ADAMTS20: variants seen among roughly 807,000 people sequenced by gnomAD.
The protein encoded by ADAMTS20 is A disintegrin and metalloproteinase with thrombospondin motifs 20.
In ADAMTS20, 225 loss-of-function variants were observed where a neutral mutation model predicts 260.1. The observed-to-expected ratio is 0.87, with a 90% CI of 0.78 to 0.97. The LOEUF (loss-of-function observed/expected upper bound fraction) is 0.97. Ranked by LOEUF, ADAMTS20 falls within the 50% of genes least tolerant of loss-of-function variation. The pLI is 0.00. For missense variants in ADAMTS20, 2,400 were observed against 2,337.7 expected (o/e 1.03, Z -0.55); for synonymous variants, 802 against 769.5 (o/e 1.04, Z -0.70).
intron 3 of ADAMTS20, among the ~76,000 whole-genome samples, chr12:43,506,159 AAAGG>A (rs1312971225): frequency 3.0e-5 from 2 of 66,440 alleles, no homozygotes; most frequent in African/African-American, 9.4e-5. Flanking sequence ...CAACAACAAC[AAAGG>A]AAGGACATGC....
intron 11 of ADAMTS20, among the ~76,000 whole-genome samples, chr12:43,460,417 AT>A (rs1268149307): frequency 2.6e-5 from 4 of 152,110 alleles, no homozygotes; most frequent in Admixed American, 2.6e-4. Flanking sequence ...GAATGGCCAA[AT>A]TTTTTTTAAA....
At chr12:43,421,595 A>G (rs943429531) in intron 28 of ADAMTS20, among the ~76,000 whole-genome samples, 2 of 152,066 alleles carry the variant, frequency 1.3e-5, no homozygotes, top group Non-Finnish European at 2.9e-5. Context: ...AGAAAAGTAA[A>G]ACTTTTACTC....
Position 43,551,884 on chromosome 12 carries a change from T to C in ADAMTS20, c.38A>G (p.His13Arg), listed in dbSNP as rs544725924. The change falls in exon 1 of 39, where the codon CAT (histidine) becomes CGT (arginine). Residue 13 changes from histidine to arginine, a missense_variant. By Grantham distance (29) the His-to-Arg change is conservative. Coordinates refer to ENST00000389420, the MANE Select transcript of ADAMTS20 (RefSeq NM_025003.5). This position sits in a 1 kb window ranked among gnomAD's most constrained non-coding sequence, Gnocchi z 4.6. ...AGACCTGGTGATGAAGAGCGAGAGA[T>C]GGTAGAGCAGCCCAGTCAGCCACTT... ...VAKWLTGLLY[H>R]LSLFITRSWE... The C allele has an allele frequency of 3.7e-6, 6 of 1,613,660 alleles. No individual in the cohort carries two copies. The highest frequency in any genetic ancestry group is 1.1e-5 in the South Asian group (1 of 91,084).
At chr12:43,505,046 G>A (rs1344272319) in intron 3 of ADAMTS20, among the ~76,000 whole-genome samples, 1 of 152,094 alleles carries the variant, frequency 6.6e-6, no homozygotes, top group Admixed American at 6.5e-5. Context: ...ATAGACTGAT[G>A]AACTGCAATA....
At chr12:43,401,758 G>C (rs1279769540) in intron 28 of ADAMTS20, among the ~76,000 whole-genome samples, 1 of 144,256 alleles carries the variant, frequency 6.9e-6, no homozygotes, top group African/African-American at 2.6e-5. Flanking sequence ...TTTTGCTCAA[G>C]TGCTAACAAT....
rs185991044 is a variant in ADAMTS20, at chr12:43,383,447, C to T, written c.4797+111G>A. 10 of 1,047,238 alleles carry T rather than the reference C, an allele frequency of 9.5e-6. No individual in the cohort carries two copies. The Admixed American group carries it at 2.2e-4, about 23-fold the overall frequency. 64.9% of individuals were successfully genotyped at this position (1,047,238 alleles called of 1,614,324 possible). A position where few individuals can be genotyped will look rare whatever the true frequency, so the allele number is the denominator to read the frequency against. On this transcript the variant is annotated intron_variant, in intron 31 of 38. Transcript: ENST00000389420. ...TCATTCCTTAGATTGATATGCATAC[C>T]ATCATCTGCCCTCATATTCAAATTT...
intron 3 of ADAMTS20, among the ~76,000 whole-genome samples, chr12:43,524,460 A>C (rs1943113939): frequency 6.6e-6 from 1 of 152,180 alleles, no homozygotes; most frequent in Non-Finnish European, 1.5e-5. Context: ...GCTCTATAAA[A>C]CATGCAAAAG....
chr12:43,447,862 C>A (rs1443271144), intron 14 of ADAMTS20, among the ~76,000 whole-genome samples: 1 of 151,832 alleles, frequency 6.6e-6, no homozygotes, highest in Non-Finnish European at 1.5e-5. Context: ...AAACTTGAGA[C>A]CCAAATAAGG....
chr12:43,497,050 A>T lies in ADAMTS20; in HGVS notation c.868-3797T>A, dbSNP rs572402215. Among the ~76,000 whole-genome samples, 108 of 152,272 alleles carry T rather than the reference A, an allele frequency of 7.1e-4. No homozygotes were observed. In the Middle Eastern group the frequency reaches 0.01, roughly 14 times the overall value. ...AAAAGCCTTGTAATATTTTCAATAT[A>T]TTACCTTAATCACTACATTTTAGAG... On this transcript the variant is annotated intron_variant, in intron 4 of 38. Transcript: ENST00000389420.
chr12:43,377,801 C>T (rs200693255), intron 31 of ADAMTS20, among the ~76,000 whole-genome samples: 11 of 150,434 alleles, frequency 7.3e-5, no homozygotes, highest in South Asian at 2.1e-4. Context: ...CCTGTGTGTG[C>T]GTGTGTGTGT....
chr12:43,492,396 G>GAAAAAAA, intron 6 of ADAMTS20, 109 bp downstream of exon 6: 6 of 1,285,166 alleles, frequency 4.7e-6, no homozygotes, highest in Non-Finnish European at 6.3e-6. Flanking sequence ...AAAAGAAAAA[G>GAAAAAAA]AAAAAGAAAA....
chr12:43,532,051 A>G lies in ADAMTS20; in HGVS notation c.598T>C (p.Tyr200His), dbSNP rs145859149. The change falls in exon 3 of 39, where the codon TAT becomes CAT. Residue 200 changes from tyrosine (Y) to histidine (H), a missense_variant. Physicochemically the swap from Tyr to His is moderately conservative, Grantham distance 83. Transcript: ENST00000389420. ...CACAGTTTACCTGACACACTGCAAT[A>G]CTTCAGAGTCTGCAGAAAAGAGTTA... Reference protein sequence around the residue: ...LNNSFLQTLKYCSVSESQIKE... With the variant: ...LNNSFLQTLKHCSVSESQIKE... 38 of 1,599,928 alleles carry G rather than the reference A, an allele frequency of 2.4e-5. No homozygotes were observed. In the African/African-American group the frequency reaches 4.7e-4, roughly 20 times the overall value.
Position 43,532,156 on chromosome 12 carries a change from C to T in ADAMTS20, c.493G>A (p.Glu165Lys). The change falls in exon 3 of 39, where the codon GAA becomes AAA. Residue 165 changes from glutamate to lysine, a missense_variant. Transcript: ENST00000389420. ...TTCCCATCTGCCTTCATTATAGGTT[C>T]TAAGAAATATTCACCGTTCTGTCCT... ...FKGQNGEYFL[E>K]PIMKADGNEY... is the part of the protein sequence containing the mutation. The T allele has an allele frequency of 6.2e-7, 1 of 1,611,292 alleles. No individual in the cohort carries two copies. The highest frequency in any genetic ancestry group is 8.5e-7 in the Non-Finnish European group (1 of 1,178,782).
chr12:43,448,604 C>T (rs768295377), intron 14 of ADAMTS20, among the ~76,000 whole-genome samples: 1 of 152,100 alleles, frequency 6.6e-6, no homozygotes, highest in African/African-American at 2.4e-5. Context: ...GATGAAGACA[C>T]CGAAAGCAAT....
At chr12:43,407,048 A>T (rs1053847080) in intron 28 of ADAMTS20, among the ~76,000 whole-genome samples, 4 of 152,048 alleles carry the variant, frequency 2.6e-5, no homozygotes, top group African/African-American at 9.7e-5. Flanking sequence ...TTTAAAGTTT[A>T]ATGGAGTTTG....
At chr12:43,526,761 T>C (rs1943149185) in intron 3 of ADAMTS20, among the ~76,000 whole-genome samples, 6 of 152,046 alleles carry the variant, frequency 3.9e-5, no homozygotes, top group Admixed American at 3.3e-4. Context: ...AACAATCTAA[T>C]ATACACCTCA....
intron 3 of ADAMTS20, among the ~76,000 whole-genome samples, chr12:43,515,068 A>G (rs1164590851): frequency 2.6e-5 from 4 of 152,054 alleles, no homozygotes; most frequent in Admixed American, 2.6e-4. Context: ...ACAACAAATA[A>G]CTCCCTTTTG....
chr12:43,498,305 CAAAG>C (rs2137439890), intron 4 of ADAMTS20, among the ~76,000 whole-genome samples: 1 of 152,168 alleles, frequency 6.6e-6, no homozygotes, highest in Admixed American at 6.5e-5. Context: ...TTGTTGAAAG[CAAAG>C]AAAAAGTTTA....
intron 3 of ADAMTS20, 56 bp downstream of exon 3, chr12:43,531,980 A>C: frequency 8.6e-7 from 1 of 1,157,206 alleles, no homozygotes; most frequent in Non-Finnish European, 1.1e-6. Context: ...AACCTATAAA[A>C]AAAGATTTAA....
Sources: gnomAD v4.1 joint callset for allele counts (sites outside exome capture counted in the v4.1 genomes callset) on GRCh38, gnomAD v4.1.1 for gene constraint, Gnocchi (gnomAD v3.1) non-coding constraint, MANE v1.5 for transcripts, NCBI Gene and HGNC (gene_info 2026-07-23, HGNC 2026-07-21) for gene names.